HK2: variants seen among roughly 807,000 people sequenced by gnomAD.
HK2 encodes hexokinase 2.
A neutral mutation model predicts 92.9 loss-of-function variants in HK2; 42 were observed. The observed-to-expected ratio is 0.45, with a 90% CI of 0.35 to 0.58. HK2 has a LOEUF of 0.58. Among genes scored for constraint, HK2 ranks in the 20% least tolerant of loss-of-function variants. The pLI, the probability that HK2 is intolerant of heterozygous loss-of-function variation, is 0.00. For synonymous variants in HK2, 422 were observed against 468.0 expected, an observed-to-expected ratio of 0.90 and a Z score of 1.27; for missense variants, 978 against 1,245.1, an observed-to-expected ratio of 0.79 and a Z score of 3.23.
At chr2:74,881,916 C>A in intron 11 of HK2, 57 bp downstream of exon 11, 1 of 1,584,536 alleles carries the variant, frequency 6.3e-7, no homozygotes, top group Non-Finnish European at 8.7e-7. Flanking sequence ...CTCTTGCCTT[C>A]GAGGACAGTG....
Position 74,887,909 on chromosome 2 carries a change from GAA to G in HK2, c.2229_2230del (p.Lys743AsnfsTer9). The G allele has an allele frequency of 6.2e-7, 1 of 1,613,830 alleles. No homozygotes were observed. The highest frequency in any genetic ancestry group is 8.5e-7 in the Non-Finnish European group (1 of 1,180,008). On this transcript the variant is annotated frameshift_variant, in exon 16 of 18. Transcript: ENST00000290573. LOFTEE classifies it high-confidence loss of function. ...AATGTTACTTGCATTGCAGGTTCGA[GAA>G]AATGATCAGTGGAATGTACCTGGGT... The part of the protein sequence containing the change: ...SLNPGKQRFE[K>X]MISGMYLGEI...
chr2:74,854,868 C>T (rs567803552), intron 2 of HK2, among the ~76,000 whole-genome samples: 1 of 152,270 alleles, frequency 6.6e-6, no homozygotes, highest in Non-Finnish European at 1.5e-5. Context: ...CTAACTGGGA[C>T]GCCGGACGCC....
At chr2:74,844,224 ATGT>A (rs142964880) in intron 1 of HK2, among the ~76,000 whole-genome samples, 40,838 of 152,048 alleles carry the variant, frequency 0.27, 5,632 homozygotes, top group South Asian at 0.4. Flanking sequence ...AGGAAACCAG[ATGT>A]TGTGTACTAA....
At chr2:74,861,249 AT>A (rs1306280312) in intron 2 of HK2, among the ~76,000 whole-genome samples, 1 of 152,104 alleles carries the variant, frequency 6.6e-6, no homozygotes, top group African/African-American at 2.4e-5. Context: ...TTGAAACCCC[AT>A]CTCTACTAAA....
At chr2:74,882,955 T>C (rs1214632167) in intron 12 of HK2, among the ~76,000 whole-genome samples, 1 of 152,080 alleles carries the variant, frequency 6.6e-6, no homozygotes, top group Non-Finnish European at 1.5e-5. Flanking sequence ...CTCATCTTGC[T>C]TCTCACTCCT....
At chr2:74,874,776 G>A (rs530906298) in intron 7 of HK2, among the ~76,000 whole-genome samples, 64 of 152,260 alleles carry the variant, frequency 4.2e-4, no homozygotes, top group Admixed American at 4.2e-3. Context: ...GCCACCTAAG[G>A]AAAGTTGTGT....
rs1048469866 is a variant in HK2 at position 74,891,131 on chromosome 2, A to G, written c.*190A>G. On this transcript the variant is annotated 3_prime_UTR_variant, in exon 18 of 18. Coordinates refer to ENST00000290573, the MANE Select transcript of HK2 (RefSeq NM_000189.5). ...GCTGAGCTTGGCCCTATTAAGATAA[A>G]TAGAGTTCCAAATAAGGATTTGTTC... is the stretch of plus-strand genomic sequence containing the variant. 1 of 623,002 alleles carries G rather than the reference A, an allele frequency of 1.6e-6. No homozygotes were observed. Among genetic ancestry groups the G allele is most frequent in the Non-Finnish European group, 2.8e-6 (1 of 357,594 alleles). 38.6% of individuals were successfully genotyped at this position (623,002 alleles called of 1,614,324 possible). A position where few individuals can be genotyped will look rare whatever the true frequency, so the allele number is the denominator to read the frequency against.
chr2:74,864,941 C>A (rs1049406317), intron 2 of HK2, among the ~76,000 whole-genome samples: 3 of 152,246 alleles, frequency 2.0e-5, no homozygotes, highest in African/African-American at 7.2e-5. Flanking sequence ...GATGTGCCCA[C>A]ACCACACAGG....
chr2:74,861,131 A>G (rs1558794719), intron 2 of HK2, among the ~76,000 whole-genome samples: 1 of 152,160 alleles, frequency 6.6e-6, no homozygotes, highest in African/African-American at 2.4e-5. Flanking sequence ...GTTCCATTTT[A>G]AAAGGGAATG....
chr2:74,887,816 A>T (rs1689575096), intron 15 of HK2, 87 bp from the exon 16 acceptor site: 1 of 1,239,528 alleles, frequency 8.1e-7, no homozygotes, highest in Admixed American at 1.7e-5. Context: ...CTGCTGATGC[A>T]CTGGGGGTGA....
chr2:74,888,750 A>G (rs965126937), intron 16 of HK2, among the ~76,000 whole-genome samples: 3 of 152,186 alleles, frequency 2.0e-5, no homozygotes, highest in Non-Finnish European at 4.4e-5. Context: ...CTTTCTTTAT[A>G]TAGGAGGGTT....
chr2:74,880,242 T>C (rs765810251), intron 9 of HK2, 23 bp from the exon 10 acceptor site: 1 of 1,613,852 alleles, frequency 6.2e-7, no homozygotes, highest in Non-Finnish European at 8.5e-7. Flanking sequence ...CACCTGTCTC[T>C]TACCCGCCCT....
At chr2:74,876,427 C>T (rs1341219542) in intron 7 of HK2, among the ~76,000 whole-genome samples, 1 of 152,188 alleles carries the variant, frequency 6.6e-6, no homozygotes, top group African/African-American at 2.4e-5. Flanking sequence ...CCTCTCAGTT[C>T]TAGTCAGAAA....
At chr2:74,882,009 G>T in intron 11 of HK2, 111 bp from the exon 12 acceptor site, 1 of 1,431,896 alleles carries the variant, frequency 7.0e-7, no homozygotes, top group Non-Finnish European at 9.9e-7. Flanking sequence ...TTGTGCCTGA[G>T]CCTGCATTTC....
intron 1 of HK2, among the ~76,000 whole-genome samples, chr2:74,844,304 G>GT (rs1296814405): frequency 2.0e-5 from 3 of 152,130 alleles, no homozygotes; most frequent in South Asian, 2.1e-4. Flanking sequence ...TCCCCATCAT[G>GT]TTTTTTTAAA....
intron 4 of HK2, 144 bp downstream of exon 4, chr2:74,872,563 T>C: frequency 1.6e-6 from 1 of 638,404 alleles, no homozygotes; most frequent in Non-Finnish European, 2.6e-6. Context: ...TGACTGTGTA[T>C]GTCGATGGGG....
chr2:74,838,577 C>T (rs1308165982), intron 1 of HK2, among the ~76,000 whole-genome samples: 2 of 140,152 alleles, frequency 1.4e-5, no homozygotes, highest in East Asian at 2.1e-4. Flanking sequence ...CTCGCTCTGT[C>T]GCCCAGGCTG....
intron 2 of HK2, among the ~76,000 whole-genome samples, chr2:74,863,860 T>G (rs966173726): frequency 2.0e-5 from 3 of 152,214 alleles, no homozygotes; most frequent in African/African-American, 7.2e-5. Context: ...AATATAGGGC[T>G]GGTTCAGGAA....
intron 1 of HK2, among the ~76,000 whole-genome samples, chr2:74,844,342 T>C (rs1401437211): frequency 2.0e-5 from 3 of 152,206 alleles, no homozygotes; most frequent in Admixed American, 6.5e-5. Context: ...TGAACTCTTA[T>C]CATTTTAGGT....
Sources: allele counts gnomAD v4.1 joint callset (sites outside exome capture counted in the v4.1 genomes callset), GRCh38; gene constraint gnomAD v4.1.1; transcripts MANE v1.5; gene names NCBI Gene and HGNC (gene_info 2026-07-23, HGNC 2026-07-21).